The following PCDHGB2 variants were observed in gnomAD, a reference collection of about 807,000 sequenced individuals.
The protein encoded by PCDHGB2 is protocadherin gamma subfamily B, 2.
Under a neutral mutation model 59.3 loss-of-function variants are expected in PCDHGB2, and 55 were observed. The ratio of observed to expected loss-of-function variants is 0.93; its 90% CI spans 0.75 to 1.16. PCDHGB2 has a LOEUF of 1.16. Ranked by LOEUF, PCDHGB2 falls within the 50% of genes most tolerant of loss-of-function variation. The pLI is 0.00. For synonymous variants in PCDHGB2, 516 were observed against 512.0 expected, an observed-to-expected ratio of 1.01 and a Z score of -0.11; for missense variants, 1,228 against 1,198.5, an observed-to-expected ratio of 1.02 and a Z score of -0.36.
intron 1 of PCDHGB2, chr5:141,423,087 G>C (rs756067751): frequency 1.2e-6 from 2 of 1,613,936 alleles, no homozygotes; most frequent in African/African-American, 1.3e-5. Context: ...TCTTCGCGGT[G>C]GGGGAGCACA....
intron 2 of PCDHGB2, among the ~76,000 whole-genome samples, chr5:141,497,977 G>A (rs1368982839): frequency 6.6e-6 from 1 of 152,216 alleles, no homozygotes; most frequent in Admixed American, 6.5e-5. Context: ...CTCGATGTGG[G>A]AGGCCCCTGC....
Position 141,410,405 on chromosome 5 carries a change from T to C in PCDHGB2, c.2421+47849T>C, listed in dbSNP as rs777544150. ...CTTCCATCCTGGTCTCTGTGTCAAGTCTGGACCTGTAGTTCCCCCCAACTA... is the reference window on the plus strand; with the variant it reads ...CTTCCATCCTGGTCTCTGTGTCAAGCCTGGACCTGTAGTTCCCCCCAACTA... On this transcript the variant is annotated intron_variant, in intron 1 of 3. Transcript: ENST00000522605. 2.2e-5 allele frequency: 35 copies of C among 1,613,948 alleles called. 1 individual carries two copies. In the East Asian group the frequency reaches 7.8e-4, roughly 36 times the overall value.
At chr5:141,403,524 A>T in intron 1 of PCDHGB2, 1 of 1,613,890 alleles carries the variant, frequency 6.2e-7, no homozygotes. Context: ...GGAGCCATAA[A>T]CCCAGAGCTG....
At chr5:141,395,557 T>C (rs1405901510) in intron 1 of PCDHGB2, 1 of 136,750 alleles carries the variant, frequency 7.3e-6, no homozygotes, top group East Asian at 1.5e-4. Context: ...TGTGTGTGTG[T>C]GTGTGTGTGT....
At chr5:141,475,059 G>T (rs2099358742) in intron 1 of PCDHGB2, among the ~76,000 whole-genome samples, 1 of 152,180 alleles carries the variant, frequency 6.6e-6, no homozygotes, top group South Asian at 2.1e-4. Flanking sequence ...AAAGATTTGT[G>T]GAGCTTTGCT....
At position 141,361,331 on chromosome 5, in the gene PCDHGB2, A is replaced by G. The variant is rs752611157; in HGVS notation, c.1196A>G (p.Lys399Arg). 6.2e-7 allele frequency: 1 copy of G among 1,613,970 alleles called. No individual in the cohort carries two copies. The highest frequency in any genetic ancestry group is 1.1e-5 in the South Asian group (1 of 91,092). The change falls in exon 1 of 4, where the codon AAG becomes AGG. Residue 399 changes from lysine (K) to arginine (R), a missense_variant. Coordinates refer to ENST00000522605, the MANE Select transcript of PCDHGB2 (RefSeq NM_018923.3). ...NAKFILKSSS[K>R]NYYKLVTDGA... ...AAGTTTATTTTGAAATCTTCCTCAAAGAACTATTACAAACTAGTGACAGAC... is the reference window on the plus strand; with the variant it reads ...AAGTTTATTTTGAAATCTTCCTCAAGGAACTATTACAAACTAGTGACAGAC...
rs2099883762 is a variant in PCDHGB2, at chr5:141,511,396, C to T, written c.*223C>T. 9.8e-7 allele frequency: 1 copy of T among 1,016,834 alleles called. No homozygotes were observed. Among genetic ancestry groups the T allele is most frequent in the South Asian group, 1.7e-5 (1 of 58,996 alleles). The allele number at this position is 1,016,834 out of a possible 1,614,324, so 63.0% of individuals were successfully genotyped here. ...AAGCAGTTCCGCTGGGAACCCCCAT[C>T]CAATCAACTGCTGTACCCATGGGGG... On this transcript the variant is annotated 3_prime_UTR_variant, in exon 4 of 4. Coordinates refer to ENST00000522605, the MANE Select transcript of PCDHGB2 (RefSeq NM_018923.3).
At chr5:141,484,644 A>G (rs1165542601) in intron 1 of PCDHGB2, among the ~76,000 whole-genome samples, 1 of 151,748 alleles carries the variant, frequency 6.6e-6, no homozygotes, top group African/African-American at 2.4e-5. Flanking sequence ...CCACTCTCCA[A>G]TGGCTACTCT....
intron 1 of PCDHGB2, chr5:141,384,394 G>C (rs1252206948): frequency 1.2e-6 from 2 of 1,613,814 alleles, no homozygotes; most frequent in Non-Finnish European, 1.7e-6. Context: ...CATCCAGGGG[G>C]CTCCAGTGTC....
intron 1 of PCDHGB2, chr5:141,384,966 C>A: frequency 6.2e-7 from 1 of 1,614,142 alleles, no homozygotes; most frequent in South Asian, 1.1e-5. Flanking sequence ...ACTATGACCT[C>A]ACGTTGTACC....
In PCDHGB2 at chr5:141,394,083, G is replaced by A. The variant is rs146481056; in HGVS notation, c.2421+31527G>A. The A allele has an allele frequency of 3.1e-6, 5 of 1,613,826 alleles. No individual in the cohort carries two copies. The East Asian group carries it at 6.7e-5, about 22-fold the overall frequency. On this transcript the variant is annotated intron_variant, in intron 1 of 3. Transcript: ENST00000522605. ...CTCTATCTACAATATCACAGTGATG[G>A]CCTCAGATCTAGGAACACCACCTCT... is the stretch of plus-strand genomic sequence containing the variant.
rs568145843 is a variant in PCDHGB2, at chr5:141,360,059, A to C, written c.-77A>C. ...GGAAACAGAAAACAAAAGCAGGAAAAGTGACCTTAGCCCGGATTCTGCCAT... is the reference window on the plus strand; with the variant it reads ...GGAAACAGAAAACAAAAGCAGGAAACGTGACCTTAGCCCGGATTCTGCCAT... On this transcript the variant is annotated 5_prime_UTR_variant, in exon 1 of 4. Transcript: ENST00000522605. The C allele has an allele frequency of 4.1e-6, 6 of 1,450,420 alleles. No individual in the cohort carries two copies. The highest frequency in any genetic ancestry group is 1.8e-6 in the Non-Finnish European group (2 of 1,097,506). The allele number at this position is 1,450,420 out of a possible 1,614,324, so 89.8% of individuals were successfully genotyped here. A position where few individuals can be genotyped will look rare whatever the true frequency, so the allele number is the denominator to read the frequency against.
Position 141,491,094 on chromosome 5 carries a change from G to C in PCDHGB2, c.2422-3713G>C, listed in dbSNP as rs1240705650. The C allele has an allele frequency of 1.9e-6, 3 of 1,614,202 alleles. No homozygotes were observed. Among genetic ancestry groups the C allele is most frequent in the Non-Finnish European group, 2.5e-6 (3 of 1,180,030 alleles). On this transcript the variant is annotated intron_variant, in intron 1 of 3. Coordinates refer to ENST00000522605, the MANE Select transcript of PCDHGB2 (RefSeq NM_018923.3). The surrounding 1 kb of genome is among the most constrained non-coding windows in gnomAD (Gnocchi z 6.9). The stretch of plus-strand genomic sequence containing the variant: ...TGCCACAGTCCACAGCCCCAGGACT[G>C]TTCCTCGTGTCTACACACACTGGTG...
chr5:141,423,554 A>G (rs1383467583), intron 1 of PCDHGB2: 8 of 1,613,590 alleles, frequency 5.0e-6, no homozygotes, highest in East Asian at 4.5e-5. Flanking sequence ...CAGCCCAACT[A>G]TGGGGACACG....
intron 1 of PCDHGB2, chr5:141,410,284 G>A (rs2095374455): frequency 1.2e-6 from 2 of 1,613,990 alleles, no homozygotes; most frequent in Non-Finnish European, 1.7e-6. Flanking sequence ...ACCTGGTGGT[G>A]GCCTTGGCCT....
intron 1 of PCDHGB2, chr5:141,370,655 C>G (rs746541169): frequency 1.9e-6 from 3 of 1,613,826 alleles, no homozygotes; most frequent in Admixed American, 3.3e-5. Flanking sequence ...TACTTGTGAG[C>G]GACCGTATAG....
intron 1 of PCDHGB2, among the ~76,000 whole-genome samples, chr5:141,483,648 TTGTGTGTG>T (rs111458813): frequency 6.7e-6 from 1 of 149,592 alleles, no homozygotes; most frequent in Non-Finnish European, 1.5e-5. Flanking sequence ...GGGTGTGTGT[TTGTGTGTG>T]TGTGTGTGTG....
At position 141,486,243 on chromosome 5, in the gene PCDHGB2, G is replaced by A. The variant is rs754924567; in HGVS notation, c.2422-8564G>A. 18 of 1,614,156 alleles carry A rather than the reference G, an allele frequency of 1.1e-5. No individual in the cohort carries two copies. The highest frequency in any genetic ancestry group is 1.4e-5 in the Non-Finnish European group (16 of 1,180,018). ...TACATCACAGTGACCTCAGAGCTTG[G>A]AACCCTCCCCGAGAGTGCAGAACCT... On this transcript the variant is annotated intron_variant, in intron 1 of 3. Coordinates refer to ENST00000522605, the MANE Select transcript of PCDHGB2 (RefSeq NM_018923.3). This position sits in a 1 kb window ranked among gnomAD's most constrained non-coding sequence, Gnocchi z 5.0.
At chr5:141,484,621 T>C (rs2099598239) in intron 1 of PCDHGB2, among the ~76,000 whole-genome samples, 1 of 152,058 alleles carries the variant, frequency 6.6e-6, no homozygotes, top group Admixed American at 6.6e-5. Flanking sequence ...CAACACTGGC[T>C]TGAACAAAGT....
Sources: gnomAD v4.1 joint callset for allele counts (sites outside exome capture counted in the v4.1 genomes callset) on GRCh38, gnomAD v4.1.1 for gene constraint, Gnocchi (gnomAD v3.1) non-coding constraint, MANE v1.5 for transcripts, NCBI Gene and HGNC (gene_info 2026-07-23, HGNC 2026-07-21) for gene names.